Variants in VAV2 observed in about 807,000 individuals in gnomAD.
VAV2 encodes vav guanine nucleotide exchange factor 2, also known as guanine nucleotide exchange factor VAV2.
In VAV2, 67 loss-of-function variants were observed where a neutral mutation model predicts 132.5. That is an observed-to-expected ratio of 0.51 (90% CI 0.42 to 0.62). The LOEUF is 0.62. Among genes scored for constraint, VAV2 ranks in the 20% least tolerant of loss-of-function variants. The probability of loss-of-function intolerance (pLI) is 0.00; values close to 1 mark genes in which losing one functional copy is unlikely to be tolerated. For synonymous variants in VAV2, 492 were observed against 443.5 expected (o/e 1.11, Z -1.37); for missense variants, 938 against 1,153.6 (o/e 0.81, Z 2.71).
At chr9:133,986,728 C>A (rs117688307) in intron 1 of VAV2, among the ~76,000 whole-genome samples, 2,081 of 152,246 alleles carry the variant, frequency 0.014, 19 homozygotes, top group Non-Finnish European at 0.021. Context: ...GAAAAGACGC[C>A]CTTGTCTTCT....
chr9:133,909,258 G>T (rs183507391), intron 2 of VAV2, among the ~76,000 whole-genome samples: 1 of 152,126 alleles, frequency 6.6e-6, no homozygotes, highest in African/African-American at 2.4e-5. Context: ...CCTCAGAAGG[G>T]GGGTGAAGAT....
intron 2 of VAV2, among the ~76,000 whole-genome samples, chr9:133,890,821 T>A (rs1588321041): frequency 6.6e-6 from 1 of 151,470 alleles, no homozygotes; most frequent in Admixed American, 6.6e-5. Context: ...GACGGCAGAG[T>A]GAGATATTCA....
At chr9:133,803,057 T>A (rs1400758823) in intron 9 of VAV2, among the ~76,000 whole-genome samples, 1 of 152,116 alleles carries the variant, frequency 6.6e-6, no homozygotes, top group Admixed American at 6.5e-5. Context: ...CTGCAGGCCG[T>A]ACCCTGGAAC....
chr9:133,830,539 G>A (rs967787968), intron 4 of VAV2, among the ~76,000 whole-genome samples: 6 of 152,288 alleles, frequency 3.9e-5, no homozygotes, highest in African/African-American at 1.2e-4. Flanking sequence ...GAAGAAAAGC[G>A]TGTTTGCTTC....
Position 133,776,083 on chromosome 9 carries a change from G to A in VAV2, c.1966-3C>T. 6.2e-7 allele frequency: 1 copy of A among 1,612,876 alleles called. No homozygotes were observed. The highest frequency in any genetic ancestry group is 8.5e-7 in the Non-Finnish European group (1 of 1,179,766). On this transcript the variant is annotated splice_region_variant and splice_polypyrimidine_tract_variant and intron_variant, in intron 23 of 29. Transcript: ENST00000371850. ...GATGGCGGCCGGCTGATGGGCGGCT[G>A]GTGGCAGAGCACAAGAGTGTTAACG...
intron 1 of VAV2, among the ~76,000 whole-genome samples, chr9:133,985,628 G>A (rs1199882826): frequency 2.0e-5 from 3 of 152,156 alleles, no homozygotes; most frequent in Non-Finnish European, 2.9e-5. Flanking sequence ...AGGAACCAGA[G>A]CTCCTTGGAC....
chr9:133,972,265 G>A (rs1421099263), intron 1 of VAV2, among the ~76,000 whole-genome samples: 2 of 152,180 alleles, frequency 1.3e-5, no homozygotes, highest in African/African-American at 2.4e-5. Context: ...TGTCCTCAGC[G>A]GGCACGCCCC....
chr9:133,899,208 A>ACC (rs1294001417), intron 2 of VAV2, among the ~76,000 whole-genome samples: 1 of 151,710 alleles, frequency 6.6e-6, no homozygotes, highest in African/African-American at 2.4e-5. Flanking sequence ...ACGCGGAATA[A>ACC]CAATGTCTCT....
At position 133,829,037 on chromosome 9, in the gene VAV2, C is replaced by T. The variant is rs560759319; in HGVS notation, c.449+5235G>A. ...AGCCAACCATCTTGTGCATGTCACT[C>T]TTCTGTGTACAAACCTGCCTCTGGA... On this transcript the variant is annotated intron_variant, in intron 4 of 29. Transcript: ENST00000371850. Among the ~76,000 whole-genome samples the T allele has an allele frequency of 1.2e-4, 18 of 152,344 alleles. No homozygotes were observed. In the South Asian group the frequency reaches 3.5e-3, roughly 30 times the overall value.
Position 133,859,866 on chromosome 9 carries a change from G to A in VAV2, c.380+1508C>T, listed in dbSNP as rs554715490. ...CTGGAAAATAGCCTATGCACCTGGCGGAGGGACTGGTGGGGCCTCAGAGGC... is the reference window on the plus strand; with the variant it reads ...CTGGAAAATAGCCTATGCACCTGGCAGAGGGACTGGTGGGGCCTCAGAGGC... On this transcript the variant is annotated intron_variant, in intron 3 of 29. Transcript: ENST00000371850. Among the ~76,000 whole-genome samples, 8 of 152,334 alleles carry A rather than the reference G, an allele frequency of 5.3e-5. No individual in the cohort carries two copies. The South Asian group carries it at 1.2e-3, about 24-fold the overall frequency.
chr9:133,789,664 A>T (rs977181845), intron 13 of VAV2, among the ~76,000 whole-genome samples: 1 of 152,140 alleles, frequency 6.6e-6, no homozygotes, highest in Non-Finnish European at 1.5e-5. Flanking sequence ...GTGGAGCCCC[A>T]AGCGGGACCC....
At chr9:133,880,786 T>C (rs1240164723) in intron 2 of VAV2, among the ~76,000 whole-genome samples, 3 of 152,222 alleles carry the variant, frequency 2.0e-5, no homozygotes, top group South Asian at 2.1e-4. Flanking sequence ...TTCTCAATTT[T>C]GCTAAGTCTA....
chr9:133,942,095 G>A (rs1841184065), intron 1 of VAV2, among the ~76,000 whole-genome samples: 1 of 152,218 alleles, frequency 6.6e-6, no homozygotes, highest in Admixed American at 6.5e-5. Flanking sequence ...GACCCTACTG[G>A]ACGGTGCTCT....
intron 6 of VAV2, 87 bp from the exon 7 acceptor site, chr9:133,809,225 C>G: frequency 1.7e-6 from 2 of 1,182,546 alleles, no homozygotes; most frequent in Non-Finnish European, 2.5e-6. Flanking sequence ...CCGGACACCT[C>G]CACAAAAGAG....
At position 133,926,801 on chromosome 9, in the gene VAV2, G is replaced by A. The variant is rs1320371102; in HGVS notation, c.321+12302C>T. ...CTGGCTCCCTGTCTTCCCAGGCTCC[G>A]ATCATCTGAGGCTGCATGTCCTGGC... On this transcript the variant is annotated intron_variant, in intron 2 of 29. Coordinates refer to ENST00000371850, the MANE Select transcript of VAV2 (RefSeq NM_001134398.2). The surrounding 1 kb of genome is among the most constrained non-coding windows in gnomAD (Gnocchi z 4.3). Among the ~76,000 whole-genome samples the A allele has an allele frequency of 6.6e-6, 1 of 152,090 alleles. No homozygotes were observed. Among genetic ancestry groups the A allele is most frequent in the Non-Finnish European group, 1.5e-5 (1 of 68,018 alleles).
intron 26 of VAV2, 107 bp downstream of exon 26, chr9:133,771,852 G>C (rs1265812659): frequency 9.3e-7 from 1 of 1,070,482 alleles, no homozygotes; most frequent in Admixed American, 1.8e-5. Context: ...GGCCACACTG[G>C]GAAGAATCAA....
intron 1 of VAV2, among the ~76,000 whole-genome samples, chr9:133,948,236 G>A (rs112964741): frequency 0.011 from 1,600 of 152,346 alleles, 28 homozygotes; most frequent in African/African-American, 0.037. Context: ...ATTTTGTCTG[G>A]ACAATTGAAC....
chr9:133,975,774 T>C (rs1427713096), intron 1 of VAV2, among the ~76,000 whole-genome samples: 1 of 152,234 alleles, frequency 6.6e-6, no homozygotes, highest in Non-Finnish European at 1.5e-5. Flanking sequence ...CTCATACCTG[T>C]ATGTTCACCT....
rs144182765 is a variant in VAV2, at chr9:133,764,060, C to T, written c.*2G>A. On this transcript the variant is annotated 3_prime_UTR_variant, in exon 30 of 30. Coordinates refer to ENST00000371850, the MANE Select transcript of VAV2 (RefSeq NM_001134398.2). ...CTGCGAGTCTTGTCCACGTTCCTGC[C>T]GTCACTGGATGCCCTCCTCTTCTAC... 21 of 1,613,858 alleles carry T rather than the reference C, an allele frequency of 1.3e-5. No individual in the cohort carries two copies. Among genetic ancestry groups the T allele is most frequent in the South Asian group, 1.1e-4 (10 of 91,064 alleles).
Sources: allele counts gnomAD v4.1 joint callset (sites outside exome capture counted in the v4.1 genomes callset), GRCh38; gene constraint gnomAD v4.1.1; non-coding constraint Gnocchi (gnomAD v3.1); transcripts MANE v1.5; gene names NCBI Gene and HGNC (gene_info 2026-07-23, HGNC 2026-07-21).